Variants in SLC2A13 observed in about 807,000 individuals in gnomAD.
SLC2A13 encodes solute carrier family 2 member 13.
Under a neutral mutation model 64.4 loss-of-function variants are expected in SLC2A13, and 32 were observed. The observed-to-expected ratio is 0.50, with a 90% CI of 0.37 to 0.67. SLC2A13 has a LOEUF of 0.67. SLC2A13 is among the 30% of genes least tolerant of loss of function. SLC2A13 has a pLI of 0.00. For synonymous variants in SLC2A13, 338 were observed against 327.1 expected, an observed-to-expected ratio of 1.03 and a Z score of -0.36; for missense variants, 743 against 829.2, an observed-to-expected ratio of 0.90 and a Z score of 1.28.
In SLC2A13 at chr12:39,889,529, C is replaced by CTT. The variant is rs56189217; in HGVS notation, c.1035-17570_1035-17569dup. The stretch of plus-strand genomic sequence containing the variant: ...ACTTTACGCTTCAGTGGTAAACAAC[C>CTT]TTTTTTTTTTTTTTTTTTTTTTGAG... On this transcript the variant is annotated intron_variant, in intron 4 of 9. Transcript: ENST00000280871. 3.9e-3 allele frequency among the ~76,000 whole-genome samples: 470 copies of CTT among 119,796 alleles called. 1 individual carries two copies. Among genetic ancestry groups the CTT allele is most frequent in the Non-Finnish European group, 5.6e-3 (323 of 57,860 alleles). 78.6% of individuals were successfully genotyped at this position (119,796 alleles called of 152,430 possible).
At chr12:39,896,268 ATATATGTATACATGTATGTATATG>A in intron 4 of SLC2A13, among the ~76,000 whole-genome samples, 1 of 135,094 alleles carries the variant, frequency 7.4e-6, no homozygotes, top group African/African-American at 2.7e-5. Context: ...ATATGTGTGT[ATATATGTATACATGTATGTATATG>A]TGTGTATATA....
chr12:39,831,441 T>C (rs556497322), intron 6 of SLC2A13, among the ~76,000 whole-genome samples: 37 of 152,236 alleles, frequency 2.4e-4, no homozygotes, highest in African/African-American at 7.5e-4. Context: ...AAAGGAGAAA[T>C]AGGTCATCTG....
Position 39,895,925 on chromosome 12 carries a change from T to C in SLC2A13, c.1035-23964A>G, listed in dbSNP as rs1040818548. ...ACATATGTATATGTATGCATATATG[T>C]GTATATGTGTATATATACATGCGTA... is the stretch of plus-strand genomic sequence containing the variant. On this transcript the variant is annotated intron_variant, in intron 4 of 9. Coordinates refer to ENST00000280871, the MANE Select transcript of SLC2A13 (RefSeq NM_052885.4). Among the ~76,000 whole-genome samples, 35 of 137,240 alleles carry C rather than the reference T, an allele frequency of 2.6e-4. 1 individual carries two copies. The highest frequency in any genetic ancestry group is 8.5e-4 in the African/African-American group (34 of 39,860). The allele number at this position is 137,240 out of a possible 152,430, so 90.0% of individuals were successfully genotyped here. A position where few individuals can be genotyped will look rare whatever the true frequency, so the allele number is the denominator to read the frequency against.
chr12:39,897,472 A>G (rs1350607446), intron 4 of SLC2A13, among the ~76,000 whole-genome samples: 8 of 152,166 alleles, frequency 5.3e-5, no homozygotes, highest in African/African-American at 1.9e-4. Context: ...CAATGTTTCT[A>G]CAGGGAATTG....
intron 4 of SLC2A13, 125 bp from the exon 5 acceptor site, chr12:39,872,086 T>A: frequency 1.5e-6 from 1 of 685,030 alleles, no homozygotes; most frequent in Non-Finnish European, 2.2e-6. Context: ...AACATCAAAT[T>A]AACGTGGGAA....
Position 39,759,913 on chromosome 12 carries a change from A to G in SLC2A13, c.*113T>C. The G allele has an allele frequency of 5.4e-6, 4 of 740,502 alleles. No homozygotes were observed. In the South Asian group the frequency reaches 7.4e-5, roughly 14 times the overall value. The allele number at this position is 740,502 out of a possible 1,614,324, so 45.9% of individuals were successfully genotyped here. A position where few individuals can be genotyped will look rare whatever the true frequency, so the allele number is the denominator to read the frequency against. On this transcript the variant is annotated 3_prime_UTR_variant, in exon 10 of 10. Transcript: ENST00000280871. ...TCAAGTATTCTAGAATATGAAGTCA[A>G]TCAAAACTAGGCTGTGGAAAGAACC...
At chr12:39,988,649 G>A (rs1340637402) in intron 3 of SLC2A13, among the ~76,000 whole-genome samples, 2 of 119,612 alleles carry the variant, frequency 1.7e-5, no homozygotes, top group African/African-American at 3.0e-5. Context: ...AGGAGAGGGA[G>A]AAAAGGAAGG....
At chr12:39,768,775 T>C (rs953406074) in intron 7 of SLC2A13, among the ~76,000 whole-genome samples, 4 of 152,034 alleles carry the variant, frequency 2.6e-5, no homozygotes, top group Admixed American at 6.6e-5. Context: ...TCTGAAATAA[T>C]GTGAGAATTA....
At chr12:39,777,608 G>A (rs1940822231) in intron 7 of SLC2A13, among the ~76,000 whole-genome samples, 1 of 152,118 alleles carries the variant, frequency 6.6e-6, no homozygotes, top group Non-Finnish European at 1.5e-5. Context: ...CCCCCATCCT[G>A]TGCCTATAAA....
chr12:40,039,413 G>A (rs1948045797), intron 2 of SLC2A13, among the ~76,000 whole-genome samples: 1 of 151,948 alleles, frequency 6.6e-6, no homozygotes, highest in Non-Finnish European at 1.5e-5. Flanking sequence ...ACCATAAATG[G>A]GTTTTAGGTA....
chr12:40,039,973 C>T (rs573989208), intron 2 of SLC2A13, among the ~76,000 whole-genome samples: 3 of 152,334 alleles, frequency 2.0e-5, no homozygotes, highest in African/African-American at 7.2e-5. Flanking sequence ...TACATTCACA[C>T]ATTCTGTCCA....
intron 4 of SLC2A13, among the ~76,000 whole-genome samples, chr12:39,936,072 C>T (rs1175814599): frequency 6.6e-6 from 1 of 152,190 alleles, no homozygotes; most frequent in Non-Finnish European, 1.5e-5. Flanking sequence ...CTGTGGGACA[C>T]ATTAAATCAT....
chr12:39,818,260 T>A (rs1358105132), intron 7 of SLC2A13, among the ~76,000 whole-genome samples: 1 of 152,130 alleles, frequency 6.6e-6, no homozygotes, highest in East Asian at 1.9e-4. Context: ...TTTGAAACTT[T>A]TCTGTGAAGT....
At chr12:40,103,751 C>G (rs748724187) in intron 1 of SLC2A13, among the ~76,000 whole-genome samples, 63 of 152,152 alleles carry the variant, frequency 4.1e-4, no homozygotes, top group Non-Finnish European at 8.8e-4. Flanking sequence ...ATGTCCCAAG[C>G]AGACAATGCT....
chr12:40,088,893 T>A (rs1938673578), intron 1 of SLC2A13, among the ~76,000 whole-genome samples: 1 of 152,182 alleles, frequency 6.6e-6, no homozygotes, highest in Admixed American at 6.5e-5. Context: ...TGGTAAAATG[T>A]GTGGTATGAA....
intron 7 of SLC2A13, among the ~76,000 whole-genome samples, chr12:39,803,579 T>C (rs780555968): frequency 2.6e-5 from 4 of 151,856 alleles, no homozygotes; most frequent in African/African-American, 4.8e-5. Context: ...TACACACACA[T>C]ATATATATAG....
chr12:40,078,312 G>T (rs2087010912), intron 1 of SLC2A13, among the ~76,000 whole-genome samples: 1 of 152,136 alleles, frequency 6.6e-6, no homozygotes, highest in South Asian at 2.1e-4. Context: ...TTATTATTTT[G>T]AGGTTTGTTC....
intron 6 of SLC2A13, among the ~76,000 whole-genome samples, chr12:39,853,684 A>C (rs1450294700): frequency 6.6e-6 from 1 of 151,060 alleles, no homozygotes; most frequent in African/African-American, 2.4e-5. Flanking sequence ...GTGTTTCATC[A>C]AGCTATCTTC....
chr12:39,937,856 G>A (rs1325269926), intron 4 of SLC2A13, among the ~76,000 whole-genome samples: 2 of 152,136 alleles, frequency 1.3e-5, no homozygotes, highest in Non-Finnish European at 1.5e-5. Flanking sequence ...GGTCATCGAG[G>A]TCTTTTCTCC....
Sources: allele counts gnomAD v4.1 joint callset (sites outside exome capture counted in the v4.1 genomes callset), GRCh38; gene constraint gnomAD v4.1.1; transcripts MANE v1.5; gene names NCBI Gene and HGNC (gene_info 2026-07-23, HGNC 2026-07-21).